Variants in NALF1 observed in about 807,000 individuals in gnomAD.
NALF1 encodes family with sequence similarity 155 member A.
NALF1 carries 3 observed loss-of-function variants against 48.4 expected under a neutral mutation model. The observed-to-expected ratio is 0.06, with a 90% CI of 0.03 to 0.16. The LOEUF is 0.16. Ranked by LOEUF, NALF1 falls within the 10% of genes least tolerant of loss-of-function variation. The pLI, the probability that NALF1 is intolerant of heterozygous loss-of-function variation, is 1.00. For synonymous variants in NALF1, 262 were observed against 245.7 expected (o/e 1.07, Z -0.62); for missense variants, 526 against 571.5 (o/e 0.92, Z 0.81).
At chr13:107,503,548 T>C (rs890991113) in intron 1 of NALF1, among the ~76,000 whole-genome samples, 28 of 152,096 alleles carry the variant, frequency 1.8e-4, no homozygotes, top group African/African-American at 6.8e-4. Flanking sequence ...TGGAGGTTCC[T>C]AAAGAAATAA....
chr13:107,416,588 G>C (rs139556114), intron 1 of NALF1, among the ~76,000 whole-genome samples: 1 of 152,164 alleles, frequency 6.6e-6, no homozygotes, highest in African/African-American at 2.4e-5. Flanking sequence ...CTTGTTGCAA[G>C]ATACTGCATA....
intron 2 of NALF1, among the ~76,000 whole-genome samples, chr13:107,178,858 T>C (rs367987515): frequency 1.3e-5 from 2 of 151,320 alleles, no homozygotes; most frequent in Non-Finnish European, 2.9e-5. Flanking sequence ...GTCAGGAGAA[T>C]GGCGTGAACC....
chr13:107,232,022 A>T (rs1475861088), intron 1 of NALF1, among the ~76,000 whole-genome samples: 2 of 152,236 alleles, frequency 1.3e-5, no homozygotes, highest in East Asian at 1.9e-4. Flanking sequence ...AAGTTAGGGC[A>T]CTTCTAATAA....
intron 1 of NALF1, among the ~76,000 whole-genome samples, chr13:107,556,049 T>C (rs992105702): frequency 6.6e-6 from 1 of 152,074 alleles, no homozygotes; most frequent in African/African-American, 2.4e-5. Context: ...ATGAATGTAT[T>C]ATCTCTTCAA....
At chr13:107,624,838 A>C (rs1879624370) in intron 1 of NALF1, among the ~76,000 whole-genome samples, 1 of 152,202 alleles carries the variant, frequency 6.6e-6, no homozygotes, top group East Asian at 1.9e-4. Context: ...GGGGTGCAGA[A>C]AGAGATATGA....
chr13:107,739,816 G>A (rs968013978), intron 1 of NALF1, among the ~76,000 whole-genome samples: 2 of 152,112 alleles, frequency 1.3e-5, no homozygotes, highest in Non-Finnish European at 2.9e-5. Context: ...CTGTCGCATC[G>A]GTGGCAGCAT....
At chr13:107,842,464 G>T (rs1381835991) in intron 1 of NALF1, among the ~76,000 whole-genome samples, 11 of 151,246 alleles carry the variant, frequency 7.3e-5, no homozygotes, top group Admixed American at 5.9e-4. Flanking sequence ...TACCTAAAAA[G>T]GTTAAGGGTA....
chr13:107,771,590 G>A (rs901002427), intron 1 of NALF1, among the ~76,000 whole-genome samples: 5 of 151,646 alleles, frequency 3.3e-5, no homozygotes, highest in Non-Finnish European at 5.9e-5. Flanking sequence ...TCAGTGTTGG[G>A]AAAATGAGGC....
At chr13:107,763,976 T>C (rs1369657408) in intron 1 of NALF1, among the ~76,000 whole-genome samples, 2 of 152,166 alleles carry the variant, frequency 1.3e-5, no homozygotes, top group Admixed American at 6.6e-5. Flanking sequence ...TAATTTGATC[T>C]ACTTAGTTTG....
At chr13:107,358,070 G>A (rs951825486) in intron 1 of NALF1, among the ~76,000 whole-genome samples, 2 of 151,904 alleles carry the variant, frequency 1.3e-5, no homozygotes, top group African/African-American at 2.4e-5. Context: ...ATTTATATAC[G>A]CATATATATA....
At position 107,866,441 on chromosome 13, in the gene NALF1, G is replaced by A. The variant is rs539541316; in HGVS notation, c.156C>T (p.Leu52=). The change falls in exon 1 of 3, where the codon CTC becomes CTT. Residue 52 remains leucine, a synonymous_variant. Coordinates refer to ENST00000375915, the MANE Select transcript of NALF1 (RefSeq NM_001080396.3). This position sits in a 1 kb window ranked among gnomAD's most constrained non-coding sequence, Gnocchi z 4.4. ...LASLLFFTVL[L]SDHLWFCAEA... ...CGGCGCAGAACCACAAGTGATCAGA[G>A]AGCAGGACTGTGAAAAACAAGAGAG... is the stretch of plus-strand genomic sequence containing the variant. 19 of 1,614,182 alleles carry A rather than the reference G, an allele frequency of 1.2e-5. No homozygotes were observed. The African/African-American group carries it at 2.0e-4, about 17-fold the overall frequency.
At chr13:107,444,041 T>C (rs1354288263) in intron 1 of NALF1, among the ~76,000 whole-genome samples, 4 of 152,168 alleles carry the variant, frequency 2.6e-5, no homozygotes, top group African/African-American at 7.2e-5. Context: ...CCTGAGTACT[T>C]TGATATGTCT....
chr13:107,586,056 G>T (rs1878446337), intron 1 of NALF1, among the ~76,000 whole-genome samples: 1 of 152,054 alleles, frequency 6.6e-6, no homozygotes, highest in Non-Finnish European at 1.5e-5. Flanking sequence ...ATGGAGATAA[G>T]CAATGGCATT....
intron 1 of NALF1, among the ~76,000 whole-genome samples, chr13:107,446,346 G>T (rs922029054): frequency 6.6e-6 from 1 of 151,882 alleles, no homozygotes; most frequent in African/African-American, 2.4e-5. Context: ...CAACAAGGAA[G>T]AGAAGTAGCA....
intron 1 of NALF1, among the ~76,000 whole-genome samples, chr13:107,216,225 C>T (rs563581323): frequency 2.6e-5 from 4 of 152,200 alleles, no homozygotes; most frequent in Non-Finnish European, 4.4e-5. Context: ...CATTAGTCTG[C>T]GACAGCAACC....
At chr13:107,802,915 G>C (rs1878664198) in intron 1 of NALF1, among the ~76,000 whole-genome samples, 2 of 152,170 alleles carry the variant, frequency 1.3e-5, no homozygotes, top group Non-Finnish European at 1.5e-5. Context: ...TCAAGGGAAA[G>C]TTGGGGTCAC....
chr13:107,489,250 T>C (rs1386572819), intron 1 of NALF1, among the ~76,000 whole-genome samples: 1 of 152,152 alleles, frequency 6.6e-6, no homozygotes, highest in African/African-American at 2.4e-5. Context: ...AAACTACCAA[T>C]GACATTATTC....
At chr13:107,422,032 T>C (rs190668460) in intron 1 of NALF1, among the ~76,000 whole-genome samples, 1 of 152,166 alleles carries the variant, frequency 6.6e-6, no homozygotes, top group African/African-American at 2.4e-5. Context: ...GTTCTCTTCA[T>C]GTCACCATTC....
intron 1 of NALF1, among the ~76,000 whole-genome samples, chr13:107,336,347 T>C (rs978112311): frequency 6.8e-6 from 1 of 147,470 alleles, no homozygotes; most frequent in African/African-American, 2.5e-5. Context: ...AGCAAGACTC[T>C]GTCTCGATGA....
Sources: allele counts gnomAD v4.1 joint callset (sites outside exome capture counted in the v4.1 genomes callset), GRCh38; gene constraint gnomAD v4.1.1; non-coding constraint Gnocchi (gnomAD v3.1); transcripts MANE v1.5; gene names NCBI Gene and HGNC (gene_info 2026-07-23, HGNC 2026-07-21).